Variants in ZNF503 observed in about 807,000 individuals in gnomAD.
The protein encoded by ZNF503 is zinc finger protein 503, also known as NocA-like zinc finger 2.
In ZNF503, 15 loss-of-function variants were observed where a neutral mutation model predicts 34.4. The ratio of observed to expected loss-of-function variants is 0.44; its 90% CI spans 0.29 to 0.67. ZNF503 has a LOEUF of 0.67. Among genes scored for constraint, ZNF503 ranks in the 30% least tolerant of loss-of-function variants. The probability of loss-of-function intolerance (pLI) is 0.13; values close to 1 mark genes in which losing one functional copy is unlikely to be tolerated. For synonymous variants in ZNF503, 580 were observed against 456.8 expected, an observed-to-expected ratio of 1.27 and a Z score of -3.44; for missense variants, 1,007 against 926.8, an observed-to-expected ratio of 1.09 and a Z score of -1.12.
chr10:75,302,258 C>T, the ZNF503 span, among the ~76,000 whole-genome samples: 1 of 152,218 alleles, frequency 6.6e-6, no homozygotes, highest in African/African-American at 2.4e-5. Flanking sequence ...TTCTTCCATA[C>T]ATGTGATTTG....
chr10:75,325,206 T>C, the ZNF503 span, among the ~76,000 whole-genome samples: 2 of 152,216 alleles, frequency 1.3e-5, no homozygotes, highest in African/African-American at 4.8e-5. Context: ...CTTTTCTCCA[T>C]TGAATTGCCT....
the ZNF503 span, among the ~76,000 whole-genome samples, chr10:75,371,289 C>T: frequency 6.6e-6 from 1 of 152,162 alleles, no homozygotes; most frequent in Admixed American, 6.5e-5. Flanking sequence ...GGCTGCAGGG[C>T]TTCAGGAGGG....
At chr10:75,330,681 G>A in the ZNF503 span, among the ~76,000 whole-genome samples, 1 of 151,894 alleles carries the variant, frequency 6.6e-6, no homozygotes, top group African/African-American at 2.4e-5. Flanking sequence ...TATTTCTGTG[G>A]TATCAGTTGT....
Position 75,401,157 on chromosome 10 carries a change from A to G in ZNF503, c.263T>C (p.Leu88Ser). ...KMLTARTGHI[L>S]HPEYLQPLPS... ...CAGGGGCTGCAGGTACTCGGGGTGC[A>G]AAATGTGGCCAGTTCGTGCCGTCAG... is the stretch of plus-strand genomic sequence containing the variant. The change falls in exon 1 of 2, where the codon TTG becomes TCG. Residue 88 changes from leucine to serine, a missense_variant. Coordinates refer to ENST00000372524, the MANE Select transcript of ZNF503 (RefSeq NM_032772.6). 6.2e-7 allele frequency: 1 copy of G among 1,612,104 alleles called. No individual in the cohort carries two copies. Among genetic ancestry groups the G allele is most frequent in the Non-Finnish European group, 8.5e-7 (1 of 1,179,052 alleles).
At chr10:75,319,920 A>G in the ZNF503 span, among the ~76,000 whole-genome samples, 1 of 152,218 alleles carries the variant, frequency 6.6e-6, no homozygotes, top group African/African-American at 2.4e-5. Context: ...TCTTATAACT[A>G]TTGGTATGGT....
the ZNF503 span, among the ~76,000 whole-genome samples, chr10:75,376,182 C>T: frequency 6.6e-6 from 1 of 152,150 alleles, no homozygotes; most frequent in Non-Finnish European, 1.5e-5. Context: ...GTGGAAGTCC[C>T]ACTGCTGACA....
At chr10:75,310,279 G>A in the ZNF503 span, among the ~76,000 whole-genome samples, 1 of 152,198 alleles carries the variant, frequency 6.6e-6, no homozygotes, top group Admixed American at 6.5e-5. Context: ...CTCAAGGGAC[G>A]TTTGGGACCT....
chr10:75,389,393 C>T, the ZNF503 span, among the ~76,000 whole-genome samples: 4 of 152,212 alleles, frequency 2.6e-5, no homozygotes, highest in South Asian at 2.1e-4. Context: ...TATAGGTGTC[C>T]GCTGGGCCAC....
chr10:75,352,838 C>A, the ZNF503 span, among the ~76,000 whole-genome samples: 3 of 152,212 alleles, frequency 2.0e-5, no homozygotes, highest in African/African-American at 7.2e-5. Context: ...GCTGAGAGTA[C>A]GGGATGGACC....
the ZNF503 span, among the ~76,000 whole-genome samples, chr10:75,285,153 C>A: frequency 6.6e-6 from 1 of 152,186 alleles, no homozygotes. Context: ...TATTATGTGC[C>A]AGGCACTGTG....
rs757242385 is a variant in ZNF503, at chr10:75,398,536, G to C, written c.*213C>G. 1.2e-5 allele frequency: 5 copies of C among 404,052 alleles called. No homozygotes were observed. Among genetic ancestry groups the C allele is most frequent in the Non-Finnish European group, 2.2e-5 (5 of 232,472 alleles). 25.0% of individuals were successfully genotyped at this position (404,052 alleles called of 1,614,324 possible). A position where few individuals can be genotyped will look rare whatever the true frequency, so the allele number is the denominator to read the frequency against. ...TATTTTTTCAACTTTTATAAAGTTT[G>C]GGTGGGGAGGTGAAAGTGGGGAGAA... is the stretch of plus-strand genomic sequence containing the variant. On this transcript the variant is annotated 3_prime_UTR_variant, in exon 2 of 2. Coordinates refer to ENST00000372524, the MANE Select transcript of ZNF503 (RefSeq NM_032772.6).
the ZNF503 span, among the ~76,000 whole-genome samples, chr10:75,306,808 G>A: frequency 6.6e-6 from 1 of 152,026 alleles, no homozygotes; most frequent in Non-Finnish European, 1.5e-5. Flanking sequence ...AATGATCTTA[G>A]GTGTTATTAT....
chr10:75,391,460 G>T, the ZNF503 span, among the ~76,000 whole-genome samples: 2 of 152,200 alleles, frequency 1.3e-5, no homozygotes, highest in Non-Finnish European at 2.9e-5. Context: ...GGTTCTTGGT[G>T]ACCGAGGGCT....
At chr10:75,330,936 GTT>G in the ZNF503 span, among the ~76,000 whole-genome samples, 1 of 151,934 alleles carries the variant, frequency 6.6e-6, no homozygotes, top group African/African-American at 2.4e-5. Flanking sequence ...GCATTGTTAG[GTT>G]TTTTATTTGA....
At chr10:75,350,713 G>GT in the ZNF503 span, among the ~76,000 whole-genome samples, 12 of 151,484 alleles carry the variant, frequency 7.9e-5, no homozygotes, top group Admixed American at 1.3e-4. Context: ...AGGACTGGCT[G>GT]TTTTTTTTGT....
the ZNF503 span, among the ~76,000 whole-genome samples, chr10:75,378,493 G>A: frequency 1.3e-3 from 202 of 151,616 alleles, no homozygotes; most frequent in Non-Finnish European, 1.5e-3. Flanking sequence ...CACCCACTCC[G>A]CACTTATCCA....
the ZNF503 span, among the ~76,000 whole-genome samples, chr10:75,300,688 ATTTC>A: frequency 1.6e-4 from 20 of 126,622 alleles, no homozygotes; most frequent in African/African-American, 5.5e-4. Flanking sequence ...ATCTAATAAC[ATTTC>A]TTTCTTTCTT....
chr10:75,281,958 T>C, the ZNF503 span, among the ~76,000 whole-genome samples: 1 of 152,226 alleles, frequency 6.6e-6, no homozygotes, highest in Non-Finnish European at 1.5e-5. Context: ...CATTCTCCAG[T>C]TGGGACTCAG....
chr10:75,347,614 C>T, the ZNF503 span, among the ~76,000 whole-genome samples: 1 of 152,210 alleles, frequency 6.6e-6, no homozygotes. Context: ...GGGGGCCCAG[C>T]CCCAGCCTTC....
Sources: gnomAD v4.1 joint callset for allele counts (sites outside exome capture counted in the v4.1 genomes callset) on GRCh38, gnomAD v4.1.1 for gene constraint, MANE v1.5 for transcripts, NCBI Gene and HGNC (gene_info 2026-07-23, HGNC 2026-07-21) for gene names.